The following CCDC152 variants were observed in gnomAD, a reference collection of about 807,000 sequenced individuals.
CCDC152 encodes coiled-coil domain containing 152.
In CCDC152, 37 loss-of-function variants were observed where a neutral mutation model predicts 38.1. The observed-to-expected ratio is 0.97, with a 90% CI of 0.75 to 1.28. CCDC152 has a LOEUF of 1.28. Among genes scored for constraint, CCDC152 ranks in the 50% most tolerant of loss-of-function variants. CCDC152 has a pLI of 0.00. For missense variants in CCDC152, 259 were observed against 292.1 expected, an observed-to-expected ratio of 0.89 and a Z score of 0.83; for synonymous variants, 83 against 87.1, an observed-to-expected ratio of 0.95 and a Z score of 0.26.
intron 1 of CCDC152, among the ~76,000 whole-genome samples, chr5:42,757,395 A>T (rs1759495207): frequency 6.6e-6 from 1 of 152,170 alleles, no homozygotes; most frequent in Non-Finnish European, 1.5e-5. Context: ...AGCAGACAGG[A>T]GGACCCAAAA....
intron 2 of CCDC152, among the ~76,000 whole-genome samples, chr5:42,760,660 C>A (rs1278452740): frequency 6.6e-6 from 1 of 152,152 alleles, no homozygotes; most frequent in Non-Finnish European, 1.5e-5. Context: ...GTTTTCTCTT[C>A]TTTTCTTGTA....
chr5:42,789,189 C>CACTT (rs965561983), intron 6 of CCDC152, among the ~76,000 whole-genome samples: 1 of 152,240 alleles, frequency 6.6e-6, no homozygotes, highest in Non-Finnish European at 1.5e-5. Flanking sequence ...GAAGCACCCT[C>CACTT]ACTTACCCTT....
At chr5:42,798,052 G>A (rs1437947139) in intron 7 of CCDC152, among the ~76,000 whole-genome samples, 3 of 152,192 alleles carry the variant, frequency 2.0e-5, no homozygotes, top group Non-Finnish European at 4.4e-5. Context: ...TCAGGAGGCT[G>A]AGGCAGGAGA....
At chr5:42,797,773 C>T (rs1760094068) in intron 7 of CCDC152, among the ~76,000 whole-genome samples, 1 of 151,940 alleles carries the variant, frequency 6.6e-6, no homozygotes, top group South Asian at 2.1e-4. Flanking sequence ...TGGGGGCAAA[C>T]AAACCAAATT....
chr5:42,769,703 G>T (rs1759672814), intron 4 of CCDC152, 38 bp downstream of exon 4: 2 of 1,456,644 alleles, frequency 1.4e-6, no homozygotes, highest in South Asian at 1.4e-5. Context: ...AAAAAGCATT[G>T]TGTATTTGAG....
chr5:42,781,578 CACAT>C (rs1554044612), intron 5 of CCDC152, among the ~76,000 whole-genome samples: 1 of 151,950 alleles, frequency 6.6e-6, no homozygotes, highest in Non-Finnish European at 1.5e-5. Flanking sequence ...CACACACACA[CACAT>C]ACACACACAC....
chr5:42,760,303 C>CAAAAA (rs148225690), intron 2 of CCDC152, among the ~76,000 whole-genome samples: 4 of 105,810 alleles, frequency 3.8e-5, no homozygotes, highest in Non-Finnish European at 5.8e-5. Context: ...GACTCCGTCT[C>CAAAAA]AAAAAAAAAA....
In CCDC152 at chr5:42,788,163, TG is replaced by T. The variant is rs569680780; in HGVS notation, c.430+4589del. On this transcript the variant is annotated intron_variant, in intron 6 of 8. Coordinates refer to ENST00000361970, the MANE Select transcript of CCDC152 (RefSeq NM_001134848.2). The stretch of plus-strand genomic sequence containing the variant: ...TGAATACCTTTAGCACTTACTTATT[TG>T]GAAAAAAACTTTATTTCTCCTTCCT... Among the ~76,000 whole-genome samples, 14 of 151,992 alleles carry T rather than the reference TG, an allele frequency of 9.2e-5. No individual in the cohort carries two copies. In the South Asian group the frequency reaches 2.9e-3, roughly 32 times the overall value.
intron 7 of CCDC152, among the ~76,000 whole-genome samples, chr5:42,798,274 C>A (rs1473979805): frequency 6.6e-6 from 1 of 152,176 alleles, no homozygotes; most frequent in East Asian, 1.9e-4. Flanking sequence ...CATCATTCTT[C>A]CGTTGCTTCC....
At chr5:42,788,165 G>GA (rs1327623182) in intron 6 of CCDC152, among the ~76,000 whole-genome samples, 11 of 151,340 alleles carry the variant, frequency 7.3e-5, no homozygotes, top group African/African-American at 2.7e-4. Context: ...TACTTATTTG[G>GA]AAAAAAACTT....
chr5:42,772,231 T>C (rs910555463), intron 4 of CCDC152, among the ~76,000 whole-genome samples: 7 of 152,136 alleles, frequency 4.6e-5, no homozygotes, highest in African/African-American at 1.7e-4. Context: ...CATCCACTCA[T>C]GATTAAAACT....
intron 1 of CCDC152, among the ~76,000 whole-genome samples, 160 bp downstream of exon 1, chr5:42,757,045 T>C (rs1759488651): frequency 6.6e-6 from 1 of 152,184 alleles, no homozygotes; most frequent in Non-Finnish European, 1.5e-5. Flanking sequence ...TTATTTTTGC[T>C]AGGCCGCTAA....
Position 42,799,695 on chromosome 5 carries a change from A to T in CCDC152, c.679A>T (p.Ile227Phe). 6.5e-7 allele frequency: 1 copy of T among 1,549,424 alleles called. No homozygotes were observed. Among genetic ancestry groups the T allele is most frequent in the South Asian group, 1.2e-5 (1 of 83,522 alleles). ...TTTTCAAGAAGAAAAAAACAAGGAGATTGCAATTCTTCGTAATACCATTCG... is the reference window on the plus strand; with the variant it reads ...TTTTCAAGAAGAAAAAAACAAGGAGTTTGCAATTCTTCGTAATACCATTCG... ...QHFQEEKNKE[I>F]AILRNTIRDL... The change falls in exon 9 of 9, where the codon ATT becomes TTT. Residue 227 changes from isoleucine (I) to phenylalanine (F), a missense_variant. Coordinates refer to ENST00000361970, the MANE Select transcript of CCDC152 (RefSeq NM_001134848.2).
chr5:42,767,766 C>T (rs1016498649), intron 3 of CCDC152, among the ~76,000 whole-genome samples: 4 of 152,170 alleles, frequency 2.6e-5, no homozygotes, highest in Admixed American at 2.0e-4. Context: ...TCTCAATTTA[C>T]GGATTACTGA....
chr5:42,761,294 A>G (rs982968644), intron 2 of CCDC152, among the ~76,000 whole-genome samples: 3 of 152,226 alleles, frequency 2.0e-5, no homozygotes, highest in Non-Finnish European at 4.4e-5. Context: ...AGCATATTCA[A>G]AAATGAAACT....
chr5:42,795,624 G>A (rs1485788850), intron 6 of CCDC152, among the ~76,000 whole-genome samples: 1 of 152,126 alleles, frequency 6.6e-6, no homozygotes, highest in Non-Finnish European at 1.5e-5. Flanking sequence ...TATCATAAAT[G>A]AAAAAGTAAA....
intron 5 of CCDC152, among the ~76,000 whole-genome samples, chr5:42,781,657 C>T (rs557586096): frequency 6.6e-6 from 1 of 152,176 alleles, no homozygotes; most frequent in East Asian, 1.9e-4. Context: ...TTCACTGGCT[C>T]TAGGTTAACA....
chr5:42,766,619 T>A (rs1759627771), intron 3 of CCDC152, among the ~76,000 whole-genome samples: 1 of 152,142 alleles, frequency 6.6e-6, no homozygotes. Context: ...ACAACATAGA[T>A]GGAAGTGGAG....
rs28919929 is a variant in CCDC152, at chr5:42,799,641, ATT to A, written c.643-13_643-12del. 33 of 1,521,530 alleles carry A rather than the reference ATT, an allele frequency of 2.2e-5. 1 individual carries two copies. In the South Asian group the frequency reaches 4.0e-4, roughly 18 times the overall value. The allele number at this position is 1,521,530 out of a possible 1,614,324, so 94.3% of individuals were successfully genotyped here. A position where few individuals can be genotyped will look rare whatever the true frequency, so the allele number is the denominator to read the frequency against. ...TTTTATTTCTGAATTCTAATAACAA[ATT>A]TTTTGTTTCGTTTAGAAACTTCAGC... On this transcript the variant is annotated splice_polypyrimidine_tract_variant and intron_variant, in intron 8 of 8. Transcript: ENST00000361970.
Sources: allele counts gnomAD v4.1 joint callset (sites outside exome capture counted in the v4.1 genomes callset), GRCh38; gene constraint gnomAD v4.1.1; transcripts MANE v1.5; gene names NCBI Gene and HGNC (gene_info 2026-07-23, HGNC 2026-07-21).